The following MBNL1 variants were observed in gnomAD, a reference collection of about 807,000 sequenced individuals.
MBNL1 encodes muscleblind-like protein 1.
A neutral mutation model predicts 42.2 loss-of-function variants in MBNL1; 8 were observed. The observed-to-expected ratio is 0.19, with a 90% CI of 0.11 to 0.34. MBNL1 has a LOEUF of 0.34. MBNL1 is among the 10% of genes least tolerant of loss of function. The pLI is 1.00. For synonymous variants in MBNL1, 169 were observed against 173.9 expected (o/e 0.97, Z 0.22); for missense variants, 309 against 495.3 (o/e 0.62, Z 3.57).
intron 2 of MBNL1, among the ~76,000 whole-genome samples, chr3:152,370,189 G>C (rs914257090): frequency 1.3e-5 from 2 of 152,158 alleles, no homozygotes; most frequent in African/African-American, 4.8e-5. Flanking sequence ...GTGTCCTAGA[G>C]ATTCTGGTAC....
upstream of MBNL1, chr3:152,268,582 G>A (rs1463906900): frequency 2.8e-6 from 1 of 354,086 alleles, no homozygotes; most frequent in Admixed American, 3.8e-5. Context: ...CGCCCGCCGC[G>A]AGGTTACAAT....
intron 1 of MBNL1, among the ~76,000 whole-genome samples, chr3:152,279,150 T>C (rs1255927372): frequency 6.6e-6 from 1 of 152,108 alleles, no homozygotes; most frequent in African/African-American, 2.4e-5. Context: ...GTCTTTTCTA[T>C]GTGAGGCCTT....
At chr3:152,438,809 T>A (rs1420916860) in intron 4 of MBNL1, among the ~76,000 whole-genome samples, 1 of 152,228 alleles carries the variant, frequency 6.6e-6, no homozygotes, top group Non-Finnish European at 1.5e-5. Flanking sequence ...TGAAACTTAA[T>A]TAAAAATCTG....
chr3:152,270,303 G>A (rs2040469540), intron 1 of MBNL1, among the ~76,000 whole-genome samples: 1 of 152,104 alleles, frequency 6.6e-6, no homozygotes, highest in South Asian at 2.1e-4. Context: ...AAATTAATAC[G>A]CTAGGAGAGA....
intron 2 of MBNL1, among the ~76,000 whole-genome samples, chr3:152,360,393 A>G (rs2095845808): frequency 6.6e-6 from 1 of 152,106 alleles, no homozygotes; most frequent in African/African-American, 2.4e-5. Context: ...AAAAATTTTA[A>G]TTGTTTTCAT....
intron 2 of MBNL1, among the ~76,000 whole-genome samples, chr3:152,333,350 A>G (rs2086708188): frequency 6.6e-6 from 1 of 152,250 alleles, no homozygotes; most frequent in Admixed American, 6.5e-5. Context: ...AGAAATGGAC[A>G]CATATAAGAT....
At chr3:152,340,544 C>T (rs2092883354) in intron 2 of MBNL1, 1 of 1,608,518 alleles carries the variant, frequency 6.2e-7, no homozygotes, top group Non-Finnish European at 8.5e-7. Flanking sequence ...TTCATGAGTC[C>T]AAGCTGAGAC....
intron 2 of MBNL1, among the ~76,000 whole-genome samples, chr3:152,355,885 C>T (rs372242072): frequency 1.8e-4 from 28 of 152,242 alleles, no homozygotes; most frequent in East Asian, 9.7e-4. Context: ...TCATAGCATG[C>T]GGAAGCAGCA....
intron 2 of MBNL1, among the ~76,000 whole-genome samples, chr3:152,379,331 G>A (rs968233490): frequency 1.3e-5 from 2 of 152,170 alleles, no homozygotes; most frequent in African/African-American, 4.8e-5. Context: ...TTAATATTTG[G>A]TGATTACAGC....
At chr3:152,348,836 A>G (rs755967201) in intron 2 of MBNL1, among the ~76,000 whole-genome samples, 4 of 152,148 alleles carry the variant, frequency 2.6e-5, no homozygotes, top group Non-Finnish European at 4.4e-5. Flanking sequence ...AATTGCAGCA[A>G]TATCCAAAGT....
chr3:152,422,361 T>A (rs2098821030), intron 3 of MBNL1, among the ~76,000 whole-genome samples: 1 of 151,502 alleles, frequency 6.6e-6, no homozygotes, highest in Non-Finnish European at 1.5e-5. Flanking sequence ...AGAAGGGCAT[T>A]ACATAATGGT....
chr3:152,398,726 T>C (rs1204282733), intron 2 of MBNL1, among the ~76,000 whole-genome samples: 1 of 152,188 alleles, frequency 6.6e-6, no homozygotes, highest in Non-Finnish European at 1.5e-5. Flanking sequence ...GCTTATGTCC[T>C]TTCCACCCCA....
chr3:152,412,834 C>T (rs35483852), intron 2 of MBNL1, among the ~76,000 whole-genome samples: 1 of 152,120 alleles, frequency 6.6e-6, no homozygotes, highest in Non-Finnish European at 1.5e-5. Flanking sequence ...ATTTACAGAA[C>T]TATAGAAACC....
At chr3:152,304,577 G>A (rs2062105966) in intron 2 of MBNL1, among the ~76,000 whole-genome samples, 1 of 152,122 alleles carries the variant, frequency 6.6e-6, no homozygotes, top group Admixed American at 6.5e-5. Context: ...TATATATACT[G>A]TGCTGGCACA....
At chr3:152,266,231 C>T (rs2037205589), upstream of MBNL1, 1 of 152,084 alleles carries the variant, frequency 6.6e-6, no homozygotes, top group Admixed American at 6.6e-5. Flanking sequence ...TGTAAAATAA[C>T]ATTTTTTCTC....
chr3:152,285,889 G>A (rs571358119), intron 1 of MBNL1, among the ~76,000 whole-genome samples: 78 of 151,378 alleles, frequency 5.2e-4, no homozygotes, highest in Admixed American at 1.4e-3. Flanking sequence ...CTCTCAAAGT[G>A]CTGCGATTAT....
intron 2 of MBNL1, among the ~76,000 whole-genome samples, chr3:152,305,091 G>A (rs1044352961): frequency 4.6e-5 from 7 of 152,132 alleles, no homozygotes; most frequent in African/African-American, 1.7e-4. Flanking sequence ...AAGCAATGTG[G>A]CACTTACAGC....
chr3:152,415,220 G>T, intron 3 of MBNL1, 109 bp downstream of exon 3: 1 of 1,056,728 alleles, frequency 9.5e-7, no homozygotes, highest in Non-Finnish European at 1.3e-6. Flanking sequence ...AACAATTTCA[G>T]TTGCCTTACC....
chr3:152,444,821 A>C (rs952485366), intron 4 of MBNL1, among the ~76,000 whole-genome samples: 1 of 152,146 alleles, frequency 6.6e-6, no homozygotes, highest in Non-Finnish European at 1.5e-5. Flanking sequence ...CATTCACTTC[A>C]TCTGATGTTT....
Sources: gnomAD v4.1 joint callset for allele counts (sites outside exome capture counted in the v4.1 genomes callset) on GRCh38, gnomAD v4.1.1 for gene constraint, MANE v1.5 for transcripts, NCBI Gene and HGNC (gene_info 2026-07-23, HGNC 2026-07-21) for gene names.